The following MCC variants were observed in gnomAD, a reference collection of about 807,000 sequenced individuals.
MCC encodes MCC regulator of Wnt signaling pathway.
Under a neutral mutation model 116.2 loss-of-function variants are expected in MCC, and 90 were observed. The observed-to-expected ratio is 0.77, with a 90% CI of 0.65 to 0.92. MCC has a LOEUF of 0.92. MCC is among the 40% of genes least tolerant of loss of function. MCC has a pLI of 0.00. For missense variants in MCC, 1,516 were observed against 1,312.2 expected (o/e 1.16, Z -2.40); for synonymous variants, 578 against 510.5 (o/e 1.13, Z -1.78).
At chr5:113,299,292 C>CAAAAAAAAAAAAAAAAAA (rs58372049) in intron 3 of MCC, among the ~76,000 whole-genome samples, 7 of 52,062 alleles carry the variant, frequency 1.3e-4, no homozygotes, top group East Asian at 7.6e-4. Context: ...GACTCCGTCT[C>CAAAAAAAAAAAAAAAAAA]AAAAAAAAAA....
intron 3 of MCC, among the ~76,000 whole-genome samples, chr5:113,328,019 A>C (rs1448359301): frequency 6.6e-6 from 1 of 152,170 alleles, no homozygotes. Flanking sequence ...TATAATTGAC[A>C]CCATAATTCA....
intron 3 of MCC, among the ~76,000 whole-genome samples, chr5:113,276,711 C>T (rs1266480460): frequency 6.6e-6 from 1 of 152,068 alleles, no homozygotes; most frequent in Non-Finnish European, 1.5e-5. Flanking sequence ...ACTGGGGCCT[C>T]GACTTTCCAG....
chr5:113,477,452 A>G (rs1269969578), intron 1 of MCC, among the ~76,000 whole-genome samples: 1 of 152,194 alleles, frequency 6.6e-6, no homozygotes, highest in East Asian at 1.9e-4. Context: ...TGAAATAATG[A>G]TTTTCAGACA....
chr5:113,363,355 G>C (rs939107015), intron 2 of MCC, among the ~76,000 whole-genome samples: 3 of 152,224 alleles, frequency 2.0e-5, no homozygotes, highest in African/African-American at 7.2e-5. Flanking sequence ...TTGGCTCACA[G>C]TTCCACCGGC....
At chr5:113,303,948 C>T (rs1264244100) in intron 3 of MCC, among the ~76,000 whole-genome samples, 1 of 152,196 alleles carries the variant, frequency 6.6e-6, no homozygotes, top group Non-Finnish European at 1.5e-5. Context: ...AGCCACCACG[C>T]TAGCCTGGAG....
intron 3 of MCC, among the ~76,000 whole-genome samples, chr5:113,285,616 A>G (rs1034699839): frequency 6.6e-6 from 1 of 151,992 alleles, no homozygotes; most frequent in African/African-American, 2.4e-5. Flanking sequence ...GCCTGAAATG[A>G]TTGTCCCCCA....
intron 1 of MCC, among the ~76,000 whole-genome samples, chr5:113,475,122 A>G (rs999203096): frequency 6.6e-5 from 10 of 152,246 alleles, no homozygotes; most frequent in Non-Finnish European, 1.5e-4. Context: ...GATGTTTTAA[A>G]TAATAGACAA....
At chr5:113,481,582 CAAA>C (rs1222916831) in intron 1 of MCC, among the ~76,000 whole-genome samples, 1 of 151,460 alleles carries the variant, frequency 6.6e-6, no homozygotes, top group Non-Finnish European at 1.5e-5. Context: ...ACTAAAAATA[CAAA>C]AAAATTAGCT....
chr5:113,392,932 G>A (rs1769435540), intron 1 of MCC, among the ~76,000 whole-genome samples: 1 of 152,096 alleles, frequency 6.6e-6, no homozygotes, highest in Admixed American at 6.6e-5. Flanking sequence ...TGAAAGAAAT[G>A]CATCTACAAT....
At chr5:113,275,919 A>C (rs1302822247) in intron 3 of MCC, among the ~76,000 whole-genome samples, 1 of 152,024 alleles carries the variant, frequency 6.6e-6, no homozygotes, top group Non-Finnish European at 1.5e-5. Context: ...TTAAATGTTC[A>C]AGTGAAATTC....
intron 1 of MCC, among the ~76,000 whole-genome samples, chr5:113,389,739 C>A (rs1481939524): frequency 6.6e-6 from 1 of 152,218 alleles, no homozygotes; most frequent in Non-Finnish European, 1.5e-5. Flanking sequence ...CACACCACCA[C>A]ATGCACAGCA....
intron 1 of MCC, among the ~76,000 whole-genome samples, chr5:113,452,641 T>G (rs1049759967): frequency 6.6e-6 from 1 of 152,224 alleles, no homozygotes; most frequent in African/African-American, 2.4e-5. Flanking sequence ...TGGTATTTTG[T>G]TACAGCAGCC....
chr5:113,132,427 C>CATATATATATATATAT (rs1162820789), intron 5 of MCC, among the ~76,000 whole-genome samples: 4 of 107,314 alleles, frequency 3.7e-5, no homozygotes, highest in African/African-American at 8.4e-5. Flanking sequence ...TACACACATA[C>CATATATATATATATAT]ATATATATAT....
At chr5:113,352,170 T>C (rs1282482425) in intron 2 of MCC, among the ~76,000 whole-genome samples, 1 of 152,208 alleles carries the variant, frequency 6.6e-6, no homozygotes. Context: ...TCTGTCTTCA[T>C]GTTAAATTTT....
intron 2 of MCC, among the ~76,000 whole-genome samples, chr5:113,363,994 G>A (rs544099475): frequency 6.6e-6 from 1 of 152,032 alleles, no homozygotes; most frequent in Non-Finnish European, 1.5e-5. Context: ...AGCACTTTGG[G>A]AGACCAAGGC....
intron 3 of MCC, among the ~76,000 whole-genome samples, chr5:113,318,394 C>A (rs1355323212): frequency 6.6e-6 from 1 of 152,128 alleles, no homozygotes; most frequent in African/African-American, 2.4e-5. Context: ...AGACTATGTA[C>A]CATCTGGGCT....
chr5:113,327,561 A>AAAATATATATATATATAT (rs1480996383), intron 3 of MCC, among the ~76,000 whole-genome samples: 67 of 80,530 alleles, frequency 8.3e-4, no homozygotes, highest in Non-Finnish European at 1.2e-3. Context: ...AAAAAAAAAA[A>AAAATATATATATATATAT]ATATATATAT....
intron 3 of MCC, among the ~76,000 whole-genome samples, chr5:113,269,521 C>G (rs545734097): frequency 6.6e-6 from 1 of 152,166 alleles, no homozygotes; most frequent in Non-Finnish European, 1.5e-5. Flanking sequence ...TTCAGACTCT[C>G]CCACAAACTG....
At chr5:113,224,913 G>A (rs1245886090) in intron 3 of MCC, among the ~76,000 whole-genome samples, 1 of 152,172 alleles carries the variant, frequency 6.6e-6, no homozygotes, top group African/African-American at 2.4e-5. Context: ...TTGAACAGAA[G>A]GTGGTATGTG....
Sources: allele counts gnomAD v4.1 joint callset (sites outside exome capture counted in the v4.1 genomes callset), GRCh38; gene constraint gnomAD v4.1.1; transcripts MANE v1.5; gene names NCBI Gene and HGNC (gene_info 2026-07-23, HGNC 2026-07-21).